HNRNPM: variants seen among roughly 807,000 people sequenced by gnomAD.
The protein encoded by HNRNPM is CEA receptor.
In HNRNPM, 11 loss-of-function variants were observed where a neutral mutation model predicts 73.1. That is an observed-to-expected ratio of 0.15 (90% CI 0.09 to 0.25). The LOEUF is 0.25. HNRNPM is among the 10% of genes least tolerant of loss of function. HNRNPM has a pLI of 1.00. For missense variants in HNRNPM, 789 were observed against 1,067.9 expected (o/e 0.74, Z 3.64); for synonymous variants, 407 against 355.2 (o/e 1.15, Z -1.64).
chr19:8,480,344 A>C (rs554395948), intron 12 of HNRNPM, among the ~76,000 whole-genome samples: 202 of 10,432 alleles, frequency 0.019, 2 homozygotes, highest in Middle Eastern at 0.25. Context: ...ACTCCATCTC[A>C]AAAAAAAAAA....
intron 9 of HNRNPM, among the ~76,000 whole-genome samples, chr19:8,470,434 TCTC>T (rs1243272212): frequency 6.6e-6 from 1 of 152,194 alleles, no homozygotes; most frequent in Non-Finnish European, 1.5e-5. Flanking sequence ...TTCTAGTGAT[TCTC>T]CTGTCAGCCT....
chr19:8,474,182 TTGG>T lies in HNRNPM; in HGVS notation c.1066_1068del (p.Gly356del), dbSNP rs745353406. ...TCTCTTGCAGGAATGGAGGGGCCCTTTGGTGGTGGTATGGAAAACATGGGTCGA... is the reference window on the plus strand; with the variant it reads ...TCTCTTGCAGGAATGGAGGGGCCCTTTGGTGGTATGGAAAACATGGGTCGA... On this transcript the variant is annotated inframe_deletion, in exon 12 of 16. Transcript: ENST00000325495. 2 of 1,598,268 alleles carry T rather than the reference TTGG, an allele frequency of 1.3e-6. No homozygotes were observed. The highest frequency in any genetic ancestry group is 1.1e-5 in the South Asian group (1 of 88,766).
chr19:8,445,073 C>G lies in HNRNPM; in HGVS notation c.75C>G (p.Pro25=). Residue 25 remains proline (P), a synonymous_variant, in exon 1 of 16, where the codon CCC becomes CCG. Transcript: ENST00000325495. ...AAATGGAGGAAGAGAGCGGCGCGCC[C>G]GGCGTGCCGAGCGGCAACGGGGCTC... ...EIKMEEESGA[P]GVPSGNGAPG... is the part of the protein sequence containing the mutation. 2 of 1,421,094 alleles carry G rather than the reference C, an allele frequency of 1.4e-6. No homozygotes were observed. The highest frequency in any genetic ancestry group is 1.9e-4 in the Middle Eastern group (1 of 5,382). The allele number at this position is 1,421,094 out of a possible 1,614,324, so 88.0% of individuals were successfully genotyped here. A position where few individuals can be genotyped will look rare whatever the true frequency, so the allele number is the denominator to read the frequency against.
At chr19:8,477,415 T>C (rs1375821514) in intron 12 of HNRNPM, among the ~76,000 whole-genome samples, 1 of 152,054 alleles carries the variant, frequency 6.6e-6, no homozygotes, top group Non-Finnish European at 1.5e-5. Context: ...CCCAACACTT[T>C]GGGAGGCTGA....
chr19:8,455,359 C>T, intron 1 of HNRNPM, 46 bp from the exon 2 acceptor site: 3 of 1,478,742 alleles, frequency 2.0e-6, no homozygotes, highest in Non-Finnish European at 2.8e-6. Context: ...TCACATTGTG[C>T]TGACATATAA....
At chr19:8,463,987 A>G (rs1969567575) in intron 5 of HNRNPM, 1 of 285,066 alleles carries the variant, frequency 3.5e-6, no homozygotes, top group Admixed American at 4.7e-5. Context: ...ATTAAGTTTT[A>G]CTCCATCTGA....
intron 1 of HNRNPM, chr19:8,445,598 C>G (rs770308236): frequency 5.4e-4 from 83 of 152,668 alleles, no homozygotes; most frequent in Non-Finnish European, 1.1e-3. Context: ...GGTAACCGAG[C>G]GAGGGAAGCG....
At chr19:8,449,018 G>A (rs1327266302) in intron 1 of HNRNPM, among the ~76,000 whole-genome samples, 1 of 152,048 alleles carries the variant, frequency 6.6e-6, no homozygotes, top group Non-Finnish European at 1.5e-5. Flanking sequence ...ATACTACCTT[G>A]GTAACCACTC....
intron 1 of HNRNPM, among the ~76,000 whole-genome samples, chr19:8,454,768 C>A (rs1167656677): frequency 7.1e-6 from 1 of 139,990 alleles, no homozygotes; most frequent in Non-Finnish European, 1.5e-5. Context: ...TATTTCCATT[C>A]TATGAAGTCT....
chr19:8,461,033 C>T (rs1969360463), intron 2 of HNRNPM, among the ~76,000 whole-genome samples: 1 of 152,182 alleles, frequency 6.6e-6, no homozygotes. Flanking sequence ...CAGTTTGCCC[C>T]ACAGGAGTAC....
chr19:8,480,020 G>T (rs928357716), intron 12 of HNRNPM, among the ~76,000 whole-genome samples: 1 of 145,308 alleles, frequency 6.9e-6, no homozygotes, highest in Non-Finnish European at 1.5e-5. Context: ...TGATTCACAC[G>T]CCTCGGCCTC....
intron 2 of HNRNPM, among the ~76,000 whole-genome samples, chr19:8,457,817 G>A (rs1024726063): frequency 6.6e-6 from 1 of 152,144 alleles, no homozygotes; most frequent in South Asian, 2.1e-4. Flanking sequence ...AATTTGTTGC[G>A]CATAAGTTTT....
At position 8,462,468 on chromosome 19, in the gene HNRNPM, T is replaced by A; in HGVS notation, c.284-61T>A. 3 of 1,405,414 alleles carry A rather than the reference T, an allele frequency of 2.1e-6. No homozygotes were observed. Among genetic ancestry groups the A allele is most frequent in the Non-Finnish European group, 3.0e-6 (3 of 989,690 alleles). The allele number at this position is 1,405,414 out of a possible 1,614,324, so 87.1% of individuals were successfully genotyped here. A position where few individuals can be genotyped will look rare whatever the true frequency, so the allele number is the denominator to read the frequency against. On this transcript the variant is annotated intron_variant, in intron 2 of 15. Coordinates refer to ENST00000325495, the MANE Select transcript of HNRNPM (RefSeq NM_005968.5). The surrounding 1 kb of genome is among the most constrained non-coding windows in gnomAD (Gnocchi z 4.5). ...AAGGTTGCTGATGATTGTTCTAAATTCCCATTGTTTTCTTGGCTTTTCTCC... is the reference window on the plus strand; with the variant it reads ...AAGGTTGCTGATGATTGTTCTAAATACCCATTGTTTTCTTGGCTTTTCTCC...
intron 13 of HNRNPM, among the ~76,000 whole-genome samples, chr19:8,484,412 T>C (rs1009000586): frequency 1.3e-5 from 2 of 152,126 alleles, no homozygotes; most frequent in Non-Finnish European, 2.9e-5. Context: ...CCTGACCTTG[T>C]TCCGCCCGCC....
At chr19:8,485,535 T>A (rs2145757081) in intron 13 of HNRNPM, 68 bp from the exon 14 acceptor site, 2 of 1,457,726 alleles carry the variant, frequency 1.4e-6, no homozygotes, top group Middle Eastern at 4.5e-4. Flanking sequence ...GCTGAAGTGG[T>A]CTGGCGTGTT....
At chr19:8,447,512 TGGA>T (rs544208825) in intron 1 of HNRNPM, among the ~76,000 whole-genome samples, 92 of 151,756 alleles carry the variant, frequency 6.1e-4, no homozygotes, top group African/African-American at 2.1e-3. Context: ...CGTGTGGAAG[TGGA>T]GGAGAAGAAG....
intron 1 of HNRNPM, among the ~76,000 whole-genome samples, chr19:8,447,508 G>A (rs772971017): frequency 9.2e-5 from 14 of 152,138 alleles, no homozygotes; most frequent in African/African-American, 1.2e-4. Flanking sequence ...AAGACGTGTG[G>A]AAGTGGAGGA....
intron 12 of HNRNPM, among the ~76,000 whole-genome samples, chr19:8,474,878 A>G (rs1434031810): frequency 1.3e-5 from 2 of 152,126 alleles, no homozygotes; most frequent in South Asian, 2.1e-4. Flanking sequence ...CCATGCCTGG[A>G]TAATTTTTAT....
intron 2 of HNRNPM, among the ~76,000 whole-genome samples, chr19:8,455,978 C>G (rs1434263609): frequency 1.5e-5 from 2 of 135,884 alleles, no homozygotes; most frequent in Admixed American, 8.0e-5. Flanking sequence ...TTAAGTTTCA[C>G]AGGAAGATAG....
Sources: allele counts gnomAD v4.1 joint callset (sites outside exome capture counted in the v4.1 genomes callset), GRCh38; gene constraint gnomAD v4.1.1; non-coding constraint Gnocchi (gnomAD v3.1); transcripts MANE v1.5; gene names NCBI Gene and HGNC (gene_info 2026-07-23, HGNC 2026-07-21).